Variants in ITPKB observed in about 807,000 individuals in gnomAD.
The protein encoded by ITPKB is IP3 3-kinase B.
Under a neutral mutation model 69.4 loss-of-function variants are expected in ITPKB, and 13 were observed. That is an observed-to-expected ratio of 0.19 (90% CI 0.12 to 0.30). The LOEUF is 0.30. ITPKB is among the 10% of genes least tolerant of loss of function. ITPKB has a pLI of 1.00. For synonymous variants in ITPKB, 584 were observed against 513.7 expected, an observed-to-expected ratio of 1.14 and a Z score of -1.85; for missense variants, 1,240 against 1,250.5, an observed-to-expected ratio of 0.99 and a Z score of 0.13.
At chr1:226,676,636 G>A (rs181338214) in intron 2 of ITPKB, among the ~76,000 whole-genome samples, 7 of 152,346 alleles carry the variant, frequency 4.6e-5, no homozygotes, top group East Asian at 1.9e-4. Context: ...ACAAAACACC[G>A]TCCAAGTGTG....
chr1:226,727,877 A>G (rs1657471557), intron 2 of ITPKB, among the ~76,000 whole-genome samples: 1 of 152,240 alleles, frequency 6.6e-6, no homozygotes, highest in South Asian at 2.1e-4. Flanking sequence ...CTTGGTCACC[A>G]GGTCAACGGA....
intron 2 of ITPKB, among the ~76,000 whole-genome samples, chr1:226,661,759 T>C (rs767474427): frequency 7.9e-5 from 12 of 152,220 alleles, no homozygotes; most frequent in Non-Finnish European, 1.8e-4. Flanking sequence ...CTCTCACGTA[T>C]ACTGTCTGGT....
chr1:226,730,174 A>G (rs1173324837), intron 2 of ITPKB, among the ~76,000 whole-genome samples: 1 of 152,212 alleles, frequency 6.6e-6, no homozygotes, highest in Non-Finnish European at 1.5e-5. Context: ...TCACCAAGGT[A>G]GCCCTCCACA....
chr1:226,724,533 C>T (rs776136038), intron 2 of ITPKB, among the ~76,000 whole-genome samples: 7 of 152,214 alleles, frequency 4.6e-5, no homozygotes, highest in Non-Finnish European at 7.4e-5. Flanking sequence ...GCATTTCCCA[C>T]ATTACCTTGT....
rs1657890017 is a variant in ITPKB, at chr1:226,738,572, A to G, written c.-206+469T>C. Among the ~76,000 whole-genome samples, 1 of 152,092 alleles carries G rather than the reference A, an allele frequency of 6.6e-6. No homozygotes were observed. The highest frequency in any genetic ancestry group is 6.5e-5 in the Admixed American group (1 of 15,268). ...CGCGACTGCCCCTGCGGGCTCCCGGACCCGCGCCCACTCGGAGGAACTTAG... is the reference window on the plus strand; with the variant it reads ...CGCGACTGCCCCTGCGGGCTCCCGGGCCCGCGCCCACTCGGAGGAACTTAG... On this transcript the variant is annotated intron_variant, in intron 1 of 7. Transcript: ENST00000429204. The surrounding 1 kb of genome is among the most constrained non-coding windows in gnomAD (Gnocchi z 4.2).
chr1:226,692,730 G>A (rs1297365260), intron 2 of ITPKB, among the ~76,000 whole-genome samples: 4 of 152,226 alleles, frequency 2.6e-5, no homozygotes, highest in Admixed American at 2.6e-4. Context: ...GCTGAAGGTA[G>A]CATGTCACGC....
intron 2 of ITPKB, among the ~76,000 whole-genome samples, chr1:226,730,418 CT>C (rs1657556420): frequency 1.3e-5 from 2 of 152,278 alleles, no homozygotes; most frequent in Middle Eastern, 3.4e-3. Flanking sequence ...ATGAGCTCCC[CT>C]GATGGCTGAA....
Position 226,642,006 on chromosome 1 carries a change from C to G in ITPKB, c.2366G>C (p.Arg789Pro). The change falls in exon 5 of 8, where the codon CGG (arginine) becomes CCG (proline). Residue 789 changes from arginine to proline, a missense_variant. Transcript: ENST00000429204. The surrounding 1 kb of genome is among the most constrained non-coding windows in gnomAD (Gnocchi z 6.4). ...CATGTACCGTGGCTTGGTCACAGCC[C>G]GCTGTGCTTTTTCCTCCTCGGTGGG... is the stretch of plus-strand genomic sequence containing the variant. ...EAPTEEEKAQ[R>P]AVTKPRYMQW... The G allele has an allele frequency of 6.2e-7, 1 of 1,614,216 alleles. No homozygotes were observed. Among genetic ancestry groups the G allele is most frequent in the Non-Finnish European group, 8.5e-7 (1 of 1,180,040 alleles).
chr1:226,680,029 G>A (rs966391864), intron 2 of ITPKB, among the ~76,000 whole-genome samples: 2 of 152,206 alleles, frequency 1.3e-5, no homozygotes, highest in African/African-American at 4.8e-5. Flanking sequence ...CAGCGTCTGC[G>A]CCTCCGACCA....
chr1:226,727,952 T>A (rs1261564384), intron 2 of ITPKB, among the ~76,000 whole-genome samples: 3 of 152,318 alleles, frequency 2.0e-5, no homozygotes, highest in South Asian at 4.1e-4. Context: ...CCCAGAATCT[T>A]ACCACAAAAG....
chr1:226,699,958 T>C (rs114960360), intron 2 of ITPKB, among the ~76,000 whole-genome samples: 73 of 152,220 alleles, frequency 4.8e-4, no homozygotes, highest in Middle Eastern at 3.4e-3. Context: ...GAGTCTGATG[T>C]TCAAGGGCAG....
intron 2 of ITPKB, among the ~76,000 whole-genome samples, chr1:226,706,321 CAAGTT>C (rs1656801257): frequency 6.6e-6 from 1 of 152,196 alleles, no homozygotes; most frequent in Non-Finnish European, 1.5e-5. Context: ...TGGTTTCCTC[CAAGTT>C]AAGTACAAGA....
chr1:226,691,987 T>G (rs1437472227), intron 2 of ITPKB, among the ~76,000 whole-genome samples: 1 of 152,024 alleles, frequency 6.6e-6, no homozygotes. Context: ...CCCAAATGGG[T>G]GCCTACAAAG....
intron 2 of ITPKB, among the ~76,000 whole-genome samples, chr1:226,667,259 C>T (rs1193303873): frequency 1.3e-5 from 2 of 152,118 alleles, no homozygotes; most frequent in Non-Finnish European, 2.9e-5. Flanking sequence ...CATTGCTGAA[C>T]CCCTAGGCCC....
intron 2 of ITPKB, among the ~76,000 whole-genome samples, chr1:226,705,791 G>A (rs1364227751): frequency 6.6e-6 from 1 of 152,170 alleles, no homozygotes; most frequent in Non-Finnish European, 1.5e-5. Flanking sequence ...TGACCCCTGA[G>A]GACAGATCTT....
chr1:226,674,657 C>T (rs1431991947), intron 2 of ITPKB, among the ~76,000 whole-genome samples: 1 of 152,108 alleles, frequency 6.6e-6, no homozygotes, highest in East Asian at 1.9e-4. Flanking sequence ...ACTTAAAATA[C>T]TTTTAAGTAT....
At position 226,737,251 on chromosome 1, in the gene ITPKB, G is replaced by C; in HGVS notation, c.208C>G (p.Arg70Gly). ...PAESLSPEEP[R>G]SPGGWRSGRR... ...CCGCTCCGCCAGCCCCCGGGGCTCC[G>C]GGGCTCCTCGGGGGACAGCGACTCG... Residue 70 changes from arginine to glycine, a missense_variant, in exon 2 of 8, where the codon CGG becomes GGG. Physicochemically the swap from Arg to Gly is moderately radical, Grantham distance 125. Transcript: ENST00000429204. The C allele has an allele frequency of 6.4e-7, 1 of 1,553,086 alleles. No homozygotes were observed.
intron 6 of ITPKB, 117 bp downstream of exon 6, chr1:226,639,440 G>A (rs1668906764): frequency 1.4e-6 from 1 of 732,262 alleles, no homozygotes; most frequent in Admixed American, 2.0e-5. Context: ...TACGAACTCG[G>A]GCTGGGGTGT....
At chr1:226,713,073 T>C (rs1000341108) in intron 2 of ITPKB, among the ~76,000 whole-genome samples, 2 of 149,086 alleles carry the variant, frequency 1.3e-5, no homozygotes, top group Non-Finnish European at 2.9e-5. Flanking sequence ...CACACACACA[T>C]ACACACGTGC....
Sources: gnomAD v4.1 joint callset for allele counts (sites outside exome capture counted in the v4.1 genomes callset) on GRCh38, gnomAD v4.1.1 for gene constraint, Gnocchi (gnomAD v3.1) non-coding constraint, MANE v1.5 for transcripts, NCBI Gene and HGNC (gene_info 2026-07-23, HGNC 2026-07-21) for gene names.